The following ATP8B4 variants were observed in gnomAD, a reference collection of about 807,000 sequenced individuals.
ATP8B4 encodes the protein ATPase phospholipid transporting 8B4 (putative).
Under a neutral mutation model 145.6 loss-of-function variants are expected in ATP8B4, and 133 were observed. The observed-to-expected ratio is 0.91, with a 90% CI of 0.79 to 1.05. ATP8B4 has a LOEUF of 1.05. Among genes scored for constraint, ATP8B4 ranks in the 50% least tolerant of loss-of-function variants. The pLI, the probability that ATP8B4 is intolerant of heterozygous loss-of-function variation, is 0.00. For synonymous variants in ATP8B4, 507 were observed against 492.9 expected (o/e 1.03, Z -0.38); for missense variants, 1,458 against 1,425.2 (o/e 1.02, Z -0.37).
At position 49,929,987 on chromosome 15, in the gene ATP8B4, G is replaced by A. The variant is rs80135653; in HGVS notation, c.1642+1132C>T. On this transcript the variant is annotated intron_variant, in intron 16 of 27. Transcript: ENST00000284509. ...AAAAACTGACCTGAGAAACTAATCT[G>A]GGATGGAAAGCAGAAAAATATAGTG... 6.0e-3 allele frequency among the ~76,000 whole-genome samples: 917 copies of A among 152,072 alleles called. 14 individuals are homozygous for A. Among genetic ancestry groups the A allele is most frequent in the African/African-American group, 0.022 (892 of 41,488 alleles).
At chr15:50,096,396 C>G (rs1354946278) in intron 2 of ATP8B4, among the ~76,000 whole-genome samples, 1 of 152,188 alleles carries the variant, frequency 6.6e-6, no homozygotes, top group African/African-American at 2.4e-5. Flanking sequence ...AGTAATAAAA[C>G]AGACTGCTCT....
chr15:49,966,091 G>C (rs1303133841), intron 13 of ATP8B4, among the ~76,000 whole-genome samples: 3 of 152,208 alleles, frequency 2.0e-5, no homozygotes, highest in African/African-American at 7.2e-5. Context: ...TTCCAGCCCA[G>C]ATACTACGCT....
chr15:50,042,211 G>C (rs2051346780), intron 5 of ATP8B4, among the ~76,000 whole-genome samples: 1 of 151,206 alleles, frequency 6.6e-6, no homozygotes, highest in Non-Finnish European at 1.5e-5. Context: ...TGTGAACCAT[G>C]AAATAGGCTA....
chr15:50,142,403 C>G (rs773636558), intron 1 of ATP8B4, among the ~76,000 whole-genome samples: 2 of 152,104 alleles, frequency 1.3e-5, no homozygotes, highest in Non-Finnish European at 2.9e-5. Flanking sequence ...GGTCAAGAAA[C>G]AACATGTCAG....
intron 1 of ATP8B4, among the ~76,000 whole-genome samples, chr15:50,150,466 A>G (rs2044333668): frequency 6.6e-6 from 1 of 152,168 alleles, no homozygotes; most frequent in South Asian, 2.1e-4. Context: ...CAATCAACCT[A>G]TAGTTGGATT....
intron 2 of ATP8B4, among the ~76,000 whole-genome samples, chr15:50,105,329 C>T (rs1760432140): frequency 6.7e-6 from 1 of 149,656 alleles, no homozygotes; most frequent in Non-Finnish European, 1.5e-5. Flanking sequence ...GAAAAAGAGA[C>T]AGACAGTAAG....
intron 25 of ATP8B4, among the ~76,000 whole-genome samples, chr15:49,875,910 C>T (rs1217021275): frequency 6.6e-6 from 1 of 152,146 alleles, no homozygotes; most frequent in African/African-American, 2.4e-5. Flanking sequence ...ACTTTAAAAC[C>T]TGGCAGTTAT....
At chr15:49,981,423 C>T in intron 10 of ATP8B4, 129 bp from the exon 11 acceptor site, 1 of 680,508 alleles carries the variant, frequency 1.5e-6, no homozygotes, top group Non-Finnish European at 2.4e-6. Context: ...TTATTAAGAG[C>T]AAGGGCCATT....
chr15:49,943,887 AC>A (rs1225236653), intron 14 of ATP8B4, among the ~76,000 whole-genome samples: 1 of 152,240 alleles, frequency 6.6e-6, no homozygotes, highest in African/African-American at 2.4e-5. Context: ...GACAGACCAA[AC>A]TATTTAAAAT....
rs572435254 is a variant in ATP8B4, at chr15:49,953,616, A to T, written c.1287+8361T>A. 2.6e-5 allele frequency among the ~76,000 whole-genome samples: 4 copies of T among 152,202 alleles called. No homozygotes were observed. In the East Asian group the frequency reaches 5.8e-4, roughly 22 times the overall value. ...CAGAAATTGGTGCTGCCCTTCCCCC[A>T]CCCAAGGAGCTTAGCATGTTAGGCA... On this transcript the variant is annotated intron_variant, in intron 14 of 27. Transcript: ENST00000284509.
chr15:50,145,940 A>G (rs979347218), intron 1 of ATP8B4, among the ~76,000 whole-genome samples: 2 of 152,190 alleles, frequency 1.3e-5, no homozygotes, highest in African/African-American at 2.4e-5. Context: ...AATGAATGAG[A>G]AAGATGGAAA....
At chr15:49,867,388 T>C (rs1258515679) in intron 25 of ATP8B4, among the ~76,000 whole-genome samples, 1 of 152,182 alleles carries the variant, frequency 6.6e-6, no homozygotes, top group Admixed American at 6.5e-5. Flanking sequence ...TACTGTCCCT[T>C]AAAATGTTTC....
In ATP8B4 at chr15:49,957,536, T is replaced by G. The variant is rs115911512; in HGVS notation, c.1287+4441A>C. Among the ~76,000 whole-genome samples, 411 of 152,104 alleles carry G rather than the reference T, an allele frequency of 2.7e-3. 3 individuals are homozygous for G. The highest frequency in any genetic ancestry group is 9.3e-3 in the African/African-American group (387 of 41,514). ...AAAGCAAAAGCAAACTATAGCCCTG[T>G]GTTCTACACAAAAGATATACCTAAA... On this transcript the variant is annotated intron_variant, in intron 14 of 27. Transcript: ENST00000284509.
At chr15:49,925,594 T>G (rs1000938635) in intron 16 of ATP8B4, among the ~76,000 whole-genome samples, 1 of 152,200 alleles carries the variant, frequency 6.6e-6, no homozygotes, top group Non-Finnish European at 1.5e-5. Context: ...TTACCATCAC[T>G]GTATCTTAGT....
At chr15:49,963,965 CT>C (rs994906619) in intron 13 of ATP8B4, among the ~76,000 whole-genome samples, 29 of 152,054 alleles carry the variant, frequency 1.9e-4, no homozygotes, top group African/African-American at 7.0e-4. Flanking sequence ...ATCACTGATC[CT>C]TATAATAAAC....
intron 26 of ATP8B4, among the ~76,000 whole-genome samples, chr15:49,864,901 A>C (rs975899197): frequency 6.6e-6 from 1 of 152,236 alleles, no homozygotes; most frequent in South Asian, 2.1e-4. Context: ...AAGTGAAGAC[A>C]TTAATGCATA....
At chr15:49,979,440 G>A (rs911145501) in intron 12 of ATP8B4, among the ~76,000 whole-genome samples, 177 bp downstream of exon 12, 5 of 152,152 alleles carry the variant, frequency 3.3e-5, no homozygotes, top group Admixed American at 6.6e-5. Flanking sequence ...ATTGTAATTT[G>A]AAAACATAAA....
intron 3 of ATP8B4, among the ~76,000 whole-genome samples, chr15:50,072,954 CTCTCTCTCTCTCTCTCTCTCTCTCTCTA>C (rs2153634040): frequency 3.3e-5 from 1 of 30,316 alleles, no homozygotes; most frequent in Non-Finnish European, 5.8e-5. Context: ...CTCTCTCTCT[CTCTCTCTCTCTCTCTCTCTCTCTCTCTA>C]TATATATATA....
chr15:49,937,023 T>G (rs1381551148), intron 14 of ATP8B4, among the ~76,000 whole-genome samples: 1 of 152,130 alleles, frequency 6.6e-6, no homozygotes, highest in African/African-American at 2.4e-5. Context: ...CAAATCTCTG[T>G]GCTGATGTTC....
Sources: allele counts gnomAD v4.1 joint callset (sites outside exome capture counted in the v4.1 genomes callset), GRCh38; gene constraint gnomAD v4.1.1; transcripts MANE v1.5; gene names NCBI Gene and HGNC (gene_info 2026-07-23, HGNC 2026-07-21).